SPMIP4: variants seen among roughly 807,000 people sequenced by gnomAD.
SPMIP4 encodes sperm-associated microtubule inner protein 4.
At chr7:25,159,033 G>A in the SPMIP4 span, among the ~76,000 whole-genome samples, 1 of 152,104 alleles carries the variant, frequency 6.6e-6, no homozygotes, top group Non-Finnish European at 1.5e-5. Context: ...CCTCACCACT[G>A]TTTCTGCATT....
chr7:25,167,570 C>T, the SPMIP4 span, among the ~76,000 whole-genome samples: 1 of 152,154 alleles, frequency 6.6e-6, no homozygotes. Context: ...AGGTCATCGG[C>T]GGCACATGTC....
At chr7:25,141,214 AATT>A in the SPMIP4 span, among the ~76,000 whole-genome samples, 4 of 152,168 alleles carry the variant, frequency 2.6e-5, no homozygotes, top group Admixed American at 6.5e-5. Context: ...GCCAGCTCTC[AATT>A]ATTATGAATA....
chr7:25,145,804 A>G, the SPMIP4 span, among the ~76,000 whole-genome samples: 5 of 152,344 alleles, frequency 3.3e-5, no homozygotes, highest in East Asian at 5.8e-4. Context: ...CTGAATACCT[A>G]TTGCATGCAA....
the SPMIP4 span, among the ~76,000 whole-genome samples, chr7:25,152,159 C>A: frequency 3.7e-3 from 569 of 152,052 alleles, 1 homozygote; most frequent in African/African-American, 0.013. Context: ...TCTTTCTGAT[C>A]TTTTTTTCTG....
the SPMIP4 span, among the ~76,000 whole-genome samples, chr7:25,127,590 C>G: frequency 6.6e-6 from 1 of 152,156 alleles, no homozygotes; most frequent in African/African-American, 2.4e-5. Flanking sequence ...AATTTCTTCT[C>G]TGTGTTATCT....
the SPMIP4 span, among the ~76,000 whole-genome samples, chr7:25,178,780 T>C: frequency 1.3e-5 from 2 of 152,204 alleles, no homozygotes; most frequent in South Asian, 4.2e-4. Flanking sequence ...TGGTCACGCC[T>C]GTAATCCCAG....
the SPMIP4 span, among the ~76,000 whole-genome samples, chr7:25,154,831 T>G: frequency 2.0e-5 from 3 of 152,276 alleles, no homozygotes; most frequent in Non-Finnish European, 4.4e-5. Flanking sequence ...AGAGTCTGAT[T>G]TGATGGGTCC....
At chr7:25,145,585 T>C in the SPMIP4 span, among the ~76,000 whole-genome samples, 7 of 152,164 alleles carry the variant, frequency 4.6e-5, no homozygotes, top group Non-Finnish European at 8.8e-5. Flanking sequence ...AGTTTATATC[T>C]GATATGGAAG....
At chr7:25,175,494 G>A in the SPMIP4 span, among the ~76,000 whole-genome samples, 2 of 152,086 alleles carry the variant, frequency 1.3e-5, no homozygotes, top group East Asian at 1.9e-4. Context: ...ATCGTTTTGC[G>A]TCACTGTTAA....
At chr7:25,145,338 C>A in the SPMIP4 span, among the ~76,000 whole-genome samples, 3 of 152,162 alleles carry the variant, frequency 2.0e-5, no homozygotes, top group Non-Finnish European at 4.4e-5. Flanking sequence ...GAACTAACAA[C>A]AGAGATCTAC....
the SPMIP4 span, chr7:25,142,238 T>C: frequency 1.9e-6 from 3 of 1,607,460 alleles, no homozygotes; most frequent in African/African-American, 2.7e-5. Context: ...TGCAATTACT[T>C]ACCGGCTCTG....
chr7:25,133,608 A>G, the SPMIP4 span, among the ~76,000 whole-genome samples: 37 of 152,348 alleles, frequency 2.4e-4, no homozygotes, highest in East Asian at 7.1e-3. Context: ...TAGTCTTTGT[A>G]GATATTCGGA....
chr7:25,148,477 CTTTT>C, the SPMIP4 span, among the ~76,000 whole-genome samples: 132 of 128,152 alleles, frequency 1.0e-3, no homozygotes, highest in South Asian at 1.5e-3. Flanking sequence ...GAATCTGCCT[CTTTT>C]TTTTTTTTTT....
At chr7:25,131,795 C>T in the SPMIP4 span, among the ~76,000 whole-genome samples, 1 of 152,182 alleles carries the variant, frequency 6.6e-6, no homozygotes, top group African/African-American at 2.4e-5. The surrounding 1 kb of genome is among the most constrained non-coding windows in gnomAD (Gnocchi z 4.2). Context: ...GACTAGTGTT[C>T]AGCTCAATTA....
chr7:25,151,848 A>AT, the SPMIP4 span, among the ~76,000 whole-genome samples: 2 of 152,202 alleles, frequency 1.3e-5, no homozygotes, highest in African/African-American at 4.8e-5. Context: ...AATTCTTTTT[A>AT]TTTTTTATTT....
At chr7:25,155,317 G>A in the SPMIP4 span, 1 of 716,892 alleles carries the variant, frequency 1.4e-6, no homozygotes, top group Non-Finnish European at 2.2e-6. Flanking sequence ...AATGCTGGGG[G>A]ATAGGACAGT....
the SPMIP4 span, among the ~76,000 whole-genome samples, chr7:25,165,491 C>T: frequency 3.3e-4 from 51 of 152,240 alleles, 1 homozygote; most frequent in East Asian, 7.7e-3. Flanking sequence ...CTCACTCTGT[C>T]GCCCAGGCTG....
At chr7:25,166,218 CT>C in the SPMIP4 span, among the ~76,000 whole-genome samples, 1,269 of 118,810 alleles carry the variant, frequency 0.011, 22 homozygotes, top group African/African-American at 0.043. Flanking sequence ...GCTCTTTTTT[CT>C]TTCTTTCCGT....
At chr7:25,143,972 CAG>C in the SPMIP4 span, among the ~76,000 whole-genome samples, 1 of 152,048 alleles carries the variant, frequency 6.6e-6, no homozygotes, top group African/African-American at 2.4e-5. Flanking sequence ...AGCTGGGAAA[CAG>C]GGAGGGAGGG....
Sources: allele counts gnomAD v4.1 joint callset (sites outside exome capture counted in the v4.1 genomes callset), GRCh38; gene constraint gnomAD v4.1.1; non-coding constraint Gnocchi (gnomAD v3.1); transcripts MANE v1.5; gene names NCBI Gene and HGNC (gene_info 2026-07-23, HGNC 2026-07-21).